PITPNB: variants seen among roughly 807,000 people sequenced by gnomAD.
PITPNB encodes phosphatidylinositol transfer protein beta isoform.
PITPNB carries 16 observed loss-of-function variants against 45.9 expected under a neutral mutation model. The observed-to-expected ratio is 0.35, with a 90% CI of 0.24 to 0.53. The LOEUF is 0.53. Among genes scored for constraint, PITPNB ranks in the 20% least tolerant of loss-of-function variants. The pLI is 0.93. For missense variants in PITPNB, 188 were observed against 330.5 expected (o/e 0.57, Z 3.34); for synonymous variants, 112 against 108.9 (o/e 1.03, Z -0.18).
At chr22:27,853,779 C>A in intron 11 of PITPNB, 116 bp from the exon 12 acceptor site, 1 of 722,310 alleles carries the variant, frequency 1.4e-6, no homozygotes, top group Non-Finnish European at 2.5e-6. Context: ...AAAATGTACC[C>A]CAACTACTGC....
At chr22:27,909,999 G>A (rs1601428784) in intron 3 of PITPNB, among the ~76,000 whole-genome samples, 1 of 148,102 alleles carries the variant, frequency 6.8e-6, no homozygotes, top group South Asian at 2.1e-4. Flanking sequence ...TCACCAGGCT[G>A]GAGTGCAGTG....
intron 9 of PITPNB, among the ~76,000 whole-genome samples, 176 bp from the exon 10 acceptor site, chr22:27,858,685 TAAAC>T (rs1333375595): frequency 2.6e-5 from 4 of 151,932 alleles, no homozygotes; most frequent in South Asian, 2.1e-4. Context: ...CCAGCAAAAT[TAAAC>T]AAACAAAAAA....
At chr22:27,919,128 C>A (rs1319805336) in intron 1 of PITPNB, 44 bp downstream of exon 1, 1 of 1,613,958 alleles carries the variant, frequency 6.2e-7, no homozygotes, top group Non-Finnish European at 8.5e-7. Context: ...AATCTCCCAT[C>A]ACTGCCGTCC....
chr22:27,852,815 T>A lies in PITPNB; in HGVS notation c.*887A>T, dbSNP rs1934059822. The A allele has an allele frequency of 6.6e-6, 1 of 152,656 alleles. No individual in the cohort carries two copies. Among genetic ancestry groups the A allele is most frequent in the Admixed American group, 6.5e-5 (1 of 15,288 alleles). 9.5% of individuals were successfully genotyped at this position (152,656 alleles called of 1,614,324 possible). On this transcript the variant is annotated 3_prime_UTR_variant, in exon 12 of 12. Transcript: ENST00000335272. ...GCCTACAATCCTATTAAGACTAATT[T>A]CTTCATCAATGTGTTTGTCTAACAG...
intron 7 of PITPNB, 67 bp downstream of exon 7, chr22:27,894,488 T>A: frequency 1.2e-6 from 1 of 867,444 alleles, no homozygotes; most frequent in East Asian, 2.4e-5. Context: ...TAATCCCAAA[T>A]GTGATAGTAG....
chr22:27,867,380 G>A (rs1176482337), intron 8 of PITPNB, among the ~76,000 whole-genome samples: 1 of 152,020 alleles, frequency 6.6e-6, no homozygotes, highest in Non-Finnish European at 1.5e-5. Flanking sequence ...CATCTGGTGG[G>A]GTAAATGGAA....
At chr22:27,878,734 G>A (rs1225371371) in intron 7 of PITPNB, among the ~76,000 whole-genome samples, 1 of 152,188 alleles carries the variant, frequency 6.6e-6, no homozygotes, top group Non-Finnish European at 1.5e-5. Flanking sequence ...GTTCAGAAGT[G>A]TTTTAGAGCA....
Position 27,873,711 on chromosome 22 carries a change from CCTGTCAGAAAGGT to C in PITPNB, c.534+14_534+26del. The C allele has an allele frequency of 4.9e-6, 7 of 1,417,124 alleles. No homozygotes were observed. Among genetic ancestry groups the C allele is most frequent in the Non-Finnish European group, 6.0e-6 (6 of 1,000,418 alleles). The allele number at this position is 1,417,124 out of a possible 1,614,324, so 87.8% of individuals were successfully genotyped here. A position where few individuals can be genotyped will look rare whatever the true frequency, so the allele number is the denominator to read the frequency against. Reference sequence around the variant, plus strand: ...CAAGTGTTCTGTTGCCAAGACTCTGCCTGTCAGAAAGGTCAGCATCCAGTACCTTCCAGTTGGG... The same window carrying C: ...CAAGTGTTCTGTTGCCAAGACTCTGCCAGCATCCAGTACCTTCCAGTTGGG... On this transcript the variant is annotated intron_variant, in intron 8 of 11. Transcript: ENST00000335272.
intron 2 of PITPNB, among the ~76,000 whole-genome samples, chr22:27,912,357 C>G (rs1408059158): frequency 2.0e-5 from 3 of 152,140 alleles, no homozygotes; most frequent in Non-Finnish European, 4.4e-5. Flanking sequence ...TTCTGTAGGG[C>G]CTGCAGACAG....
At chr22:27,897,393 C>A (rs1165952299) in intron 4 of PITPNB, among the ~76,000 whole-genome samples, 2 of 152,142 alleles carry the variant, frequency 1.3e-5, no homozygotes, top group South Asian at 4.1e-4. Flanking sequence ...AATAATGTCA[C>A]AAAAGCAAAA....
chr22:27,904,168 CA>C (rs950394288), intron 3 of PITPNB, among the ~76,000 whole-genome samples: 2 of 152,112 alleles, frequency 1.3e-5, no homozygotes, highest in African/African-American at 4.8e-5. Flanking sequence ...CACACACACA[CA>C]AAAAAGTATG....
intron 6 of PITPNB, among the ~76,000 whole-genome samples, chr22:27,896,189 A>C (rs1935426453): frequency 6.6e-6 from 1 of 152,268 alleles, no homozygotes; most frequent in South Asian, 2.1e-4. Context: ...AAATTAAAGC[A>C]ATCAATCCTG....
intron 7 of PITPNB, among the ~76,000 whole-genome samples, chr22:27,878,330 A>C (rs1934876988): frequency 6.6e-6 from 1 of 152,200 alleles, no homozygotes; most frequent in South Asian, 2.1e-4. Context: ...TAACTAACTC[A>C]AGCTGACAAA....
chr22:27,890,946 T>C (rs544723801), intron 7 of PITPNB, among the ~76,000 whole-genome samples: 194 of 152,332 alleles, frequency 1.3e-3, no homozygotes, highest in African/African-American at 4.4e-3. Flanking sequence ...TGTAAATCAA[T>C]GCGAAGTATA....
At chr22:27,890,586 A>G (rs983170944) in intron 7 of PITPNB, among the ~76,000 whole-genome samples, 3 of 152,114 alleles carry the variant, frequency 2.0e-5, no homozygotes, top group Non-Finnish European at 4.4e-5. Flanking sequence ...AGGCTGAAGC[A>G]GGAGGATCAC....
chr22:27,913,275 T>C (rs1361077120), intron 2 of PITPNB, among the ~76,000 whole-genome samples: 3 of 152,202 alleles, frequency 2.0e-5, no homozygotes, highest in Non-Finnish European at 4.4e-5. Context: ...GCCAGACAGC[T>C]ACTCTTTTTC....
At chr22:27,918,350 C>G (rs1936148321) in intron 1 of PITPNB, among the ~76,000 whole-genome samples, 1 of 152,182 alleles carries the variant, frequency 6.6e-6, no homozygotes, top group Non-Finnish European at 1.5e-5. Flanking sequence ...TCCCTAGCTG[C>G]CCAAAGGATG....
intron 7 of PITPNB, among the ~76,000 whole-genome samples, chr22:27,889,659 T>C (rs925288560): frequency 6.6e-6 from 1 of 152,198 alleles, no homozygotes; most frequent in African/African-American, 2.4e-5. Context: ...TGTAAGCCTC[T>C]GCCACTTGTT....
intron 1 of PITPNB, chr22:27,918,968 G>A (rs1936183439): frequency 5.3e-6 from 4 of 758,758 alleles, no homozygotes; most frequent in Non-Finnish European, 6.9e-6. Context: ...GAAGGGAGAG[G>A]GCGTGTTACC....
Sources: gnomAD v4.1 joint callset for allele counts (sites outside exome capture counted in the v4.1 genomes callset) on GRCh38, gnomAD v4.1.1 for gene constraint, MANE v1.5 for transcripts, NCBI Gene and HGNC (gene_info 2026-07-23, HGNC 2026-07-21) for gene names.